The following COL8A1 variants were observed in gnomAD, a reference collection of about 807,000 sequenced individuals.
COL8A1 encodes the protein collagen type VIII alpha 1 chain, also known as collagen alpha-1(VIII) chain.
Under a neutral mutation model 42.7 loss-of-function variants are expected in COL8A1, and 21 were observed. The observed-to-expected ratio is 0.49, with a 90% CI of 0.35 to 0.71. The LOEUF (loss-of-function observed/expected upper bound fraction) is 0.71. COL8A1 is among the 30% of genes least tolerant of loss of function. The probability of loss-of-function intolerance (pLI) is 0.01; values close to 1 mark genes in which losing one functional copy is unlikely to be tolerated. For missense variants in COL8A1, 788 were observed against 962.4 expected (o/e 0.82, Z 2.40); for synonymous variants, 367 against 369.1 (o/e 0.99, Z 0.06).
chr3:99,739,272 G>A (rs1940829628), intron 1 of COL8A1, among the ~76,000 whole-genome samples: 1 of 152,110 alleles, frequency 6.6e-6, no homozygotes. Flanking sequence ...TTCATGACTG[G>A]CATTGAGTAT....
intron 3 of COL8A1, among the ~76,000 whole-genome samples, chr3:99,792,792 A>C (rs1436483111): frequency 6.6e-6 from 1 of 152,236 alleles, no homozygotes; most frequent in Non-Finnish European, 1.5e-5. Context: ...TTTGTATATG[A>C]GAAATTATTT....
chr3:99,704,044 A>C (rs1939614063), intron 1 of COL8A1, among the ~76,000 whole-genome samples: 1 of 152,226 alleles, frequency 6.6e-6, no homozygotes, highest in South Asian at 2.1e-4. Flanking sequence ...ATGATGTGCC[A>C]GAATTTTAGA....
At chr3:99,684,589 G>A (rs1004061132) in intron 1 of COL8A1, among the ~76,000 whole-genome samples, 1 of 152,142 alleles carries the variant, frequency 6.6e-6, no homozygotes, top group African/African-American at 2.4e-5. Flanking sequence ...TGCTGAAATG[G>A]ACAGTAGTCA....
intron 1 of COL8A1, among the ~76,000 whole-genome samples, chr3:99,714,400 T>C (rs914742603): frequency 6.6e-5 from 10 of 152,094 alleles, no homozygotes; most frequent in African/African-American, 2.4e-4. Flanking sequence ...GCCTATCCCA[T>C]AAAGTTCCCA....
In COL8A1 at chr3:99,744,210, G is replaced by A. The variant is rs1034353424; in HGVS notation, c.-128-687G>A. 1.5e-4 allele frequency among the ~76,000 whole-genome samples: 23 copies of A among 152,144 alleles called. 1 individual carries two copies. Among genetic ancestry groups the A allele is most frequent in the Non-Finnish European group, 2.8e-4 (19 of 68,030 alleles). On this transcript the variant is annotated intron_variant, in intron 1 of 3. Transcript: ENST00000652472. ...CTCCCAAAGTGCTGGGATTACAGGCGTCAGCCACCGTGCCTGGCCGATATT... is the reference window on the plus strand; with the variant it reads ...CTCCCAAAGTGCTGGGATTACAGGCATCAGCCACCGTGCCTGGCCGATATT...
intron 1 of COL8A1, among the ~76,000 whole-genome samples, chr3:99,684,100 G>C (rs1342032106): frequency 1.3e-5 from 2 of 152,138 alleles, no homozygotes; most frequent in South Asian, 2.1e-4. Context: ...GAAATCCCAT[G>C]ATGTTCTGGA....
chr3:99,732,973 A>G lies in COL8A1; in HGVS notation c.-128-11924A>G, dbSNP rs1344598340. ...ATGCAAGTCAAAAATACAGCAGGGT[A>G]GCCAAATATTAAAGCTCCAGAATGA... is the stretch of plus-strand genomic sequence containing the variant. On this transcript the variant is annotated intron_variant, in intron 1 of 3. Transcript: ENST00000652472. Among the ~76,000 whole-genome samples, 3 of 152,124 alleles carry G rather than the reference A, an allele frequency of 2.0e-5. No individual in the cohort carries two copies. The East Asian group carries it at 5.8e-4, about 29-fold the overall frequency.
chr3:99,675,769 C>A (rs150747167), intron 1 of COL8A1: 2,435 of 152,536 alleles, frequency 0.016, 39 homozygotes, highest in Non-Finnish European at 0.025. Context: ...CCTCAGTTCA[C>A]CCAACCCATA....
intron 1 of COL8A1, among the ~76,000 whole-genome samples, chr3:99,723,877 TATTTC>T (rs1940227815): frequency 6.6e-6 from 1 of 152,130 alleles, no homozygotes. Context: ...CTTGCAGAAT[TATTTC>T]TTCTCATTTC....
At chr3:99,732,552 T>C (rs1940546403) in intron 1 of COL8A1, among the ~76,000 whole-genome samples, 1 of 152,068 alleles carries the variant, frequency 6.6e-6, no homozygotes. Flanking sequence ...GAGAACAGCA[T>C]AAGGGTAACC....
intron 1 of COL8A1, among the ~76,000 whole-genome samples, chr3:99,658,930 C>A (rs528370909): frequency 6.0e-4 from 91 of 152,240 alleles, no homozygotes; most frequent in African/African-American, 2.0e-3. Flanking sequence ...GGACTACCTG[C>A]GTCATGATTC....
intron 1 of COL8A1, among the ~76,000 whole-genome samples, chr3:99,699,736 G>A (rs1233757146): frequency 5.9e-5 from 9 of 152,092 alleles, no homozygotes; most frequent in Non-Finnish European, 1.3e-4. Flanking sequence ...AAAATTTTAA[G>A]AATCAAGTAA....
intron 1 of COL8A1, among the ~76,000 whole-genome samples, chr3:99,659,224 A>G (rs996007874): frequency 2.0e-5 from 3 of 152,206 alleles, no homozygotes; most frequent in African/African-American, 7.2e-5. Flanking sequence ...GCTAACGCCT[A>G]GCTGGCTCGT....
rs750635074 is a variant in COL8A1, at chr3:99,795,996, C to T, written c.2095C>T (p.Gln699Ter). The change falls in exon 4 of 4, where the codon CAG becomes TAG. Residue 699 changes from glutamine (Q) to a stop codon, truncating the protein, a stop_gained. Coordinates refer to ENST00000652472, the MANE Select transcript of COL8A1 (RefSeq NM_020351.4). LOFTEE classifies it high-confidence loss of function. ...YDEYKKGFLD[Q>*]ASGSAVLLLR... is the part of the protein sequence containing the mutation. Reference sequence around the variant, plus strand: ...CGAGTACAAAAAGGGCTTCCTGGACCAGGCATCTGGGAGTGCAGTGCTGCT... The same window carrying T: ...CGAGTACAAAAAGGGCTTCCTGGACTAGGCATCTGGGAGTGCAGTGCTGCT... 1 of 1,613,978 alleles carries T rather than the reference C, an allele frequency of 6.2e-7. No homozygotes were observed. Among genetic ancestry groups the T allele is most frequent in the African/African-American group, 1.3e-5 (1 of 75,058 alleles).
intron 1 of COL8A1, among the ~76,000 whole-genome samples, chr3:99,718,268 A>C (rs1449584543): frequency 6.6e-6 from 1 of 152,020 alleles, no homozygotes; most frequent in African/African-American, 2.4e-5. Context: ...CTTGAAGACA[A>C]GTACCATGGC....
In COL8A1 at chr3:99,795,289, A is replaced by C; in HGVS notation, c.1388A>C (p.Glu463Ala). The change falls in exon 4 of 4, where the codon GAA becomes GCA. Residue 463 changes from glutamate (E) to alanine (A), a missense_variant. Coordinates refer to ENST00000652472, the MANE Select transcript of COL8A1 (RefSeq NM_020351.4). Reference protein sequence around the residue: ...GLPGPIGPKGEAGQKGVPGLP... With the variant: ...GLPGPIGPKGAAGQKGVPGLP... ...CCAGGTCCCATAGGGCCCAAGGGGGAAGCTGGGCAAAAAGGTGTACCAGGA... is the reference window on the plus strand; with the variant it reads ...CCAGGTCCCATAGGGCCCAAGGGGGCAGCTGGGCAAAAAGGTGTACCAGGA... 6.2e-7 allele frequency: 1 copy of C among 1,611,644 alleles called. No homozygotes were observed. Among genetic ancestry groups the C allele is most frequent in the East Asian group, 2.2e-5 (1 of 44,816 alleles).
At chr3:99,702,221 A>T (rs1324264856) in intron 1 of COL8A1, among the ~76,000 whole-genome samples, 1 of 152,190 alleles carries the variant, frequency 6.6e-6, no homozygotes, top group East Asian at 1.9e-4. Context: ...ATTAACAAAC[A>T]ACTCTGAGTT....
intron 1 of COL8A1, among the ~76,000 whole-genome samples, chr3:99,732,431 G>A (rs1267812087): frequency 6.6e-6 from 1 of 152,116 alleles, no homozygotes; most frequent in African/African-American, 2.4e-5. Context: ...GGTGAAACGG[G>A]AAGCAAACAC....
rs548882213 is a variant in COL8A1 at position 99,646,487 on chromosome 3, AC to A, written c.-129+7825del. Among the ~76,000 whole-genome samples, 327 of 152,228 alleles carry A rather than the reference AC, an allele frequency of 2.1e-3. 4 individuals are homozygous for A. Among genetic ancestry groups the A allele is most frequent in the African/African-American group, 7.5e-3 (312 of 41,542 alleles). On this transcript the variant is annotated intron_variant, in intron 1 of 3. Transcript: ENST00000652472. ...TAAGCAGAACAATTTTTAAATAACT[AC>A]CTTCTTTACCACTTAGAGACATGTG...
Sources: allele counts gnomAD v4.1 joint callset (sites outside exome capture counted in the v4.1 genomes callset), GRCh38; gene constraint gnomAD v4.1.1; transcripts MANE v1.5; gene names NCBI Gene and HGNC (gene_info 2026-07-23, HGNC 2026-07-21).